Variants in PPP3R1 observed in about 807,000 individuals in gnomAD.
PPP3R1 encodes calcineurin subunit B type 1.
In PPP3R1, 5 loss-of-function variants were observed where a neutral mutation model predicts 22.6. The ratio of observed to expected loss-of-function variants is 0.22; its 90% CI spans 0.12 to 0.46. The LOEUF (loss-of-function observed/expected upper bound fraction) is 0.46. PPP3R1 is among the 20% of genes least tolerant of loss of function. The pLI, the probability that PPP3R1 is intolerant of heterozygous loss-of-function variation, is 0.99. For missense variants in PPP3R1, 61 were observed against 203.2 expected, an observed-to-expected ratio of 0.30 and a Z score of 4.25; for synonymous variants, 56 against 65.2, an observed-to-expected ratio of 0.86 and a Z score of 0.68.
chr2:68,245,667 TTCA>T (rs1367647977), intron 1 of PPP3R1, among the ~76,000 whole-genome samples: 2 of 152,352 alleles, frequency 1.3e-5, no homozygotes, highest in Admixed American at 6.5e-5. Context: ...TCCTTATAAC[TTCA>T]TACTTGTAAT....
chr2:68,181,592 T>G (rs1257819439), intron 5 of PPP3R1, among the ~76,000 whole-genome samples: 1 of 85,448 alleles, frequency 1.2e-5, no homozygotes, highest in Non-Finnish European at 2.0e-5. Context: ...TTTCACATTT[T>G]CCTTTTTTTT....
chr2:68,239,610 C>G (rs1021241115), intron 1 of PPP3R1, among the ~76,000 whole-genome samples: 4 of 151,844 alleles, frequency 2.6e-5, no homozygotes, highest in South Asian at 2.1e-4. Context: ...GAGAAGAGAA[C>G]GATGTGGCCT....
At chr2:68,198,169 A>G (rs1674840683) in intron 2 of PPP3R1, among the ~76,000 whole-genome samples, 1 of 145,472 alleles carries the variant, frequency 6.9e-6, no homozygotes, top group Non-Finnish European at 1.5e-5. Context: ...GTAAATATAT[A>G]CATACATGTA....
chr2:68,183,966 G>T (rs926051534), intron 5 of PPP3R1, among the ~76,000 whole-genome samples: 1 of 152,208 alleles, frequency 6.6e-6, no homozygotes, highest in Non-Finnish European at 1.5e-5. Flanking sequence ...CCTAGACAGT[G>T]TAAGTCCAGC....
intron 2 of PPP3R1, among the ~76,000 whole-genome samples, chr2:68,191,235 AT>A (rs1674660799): frequency 6.6e-6 from 1 of 152,142 alleles, no homozygotes; most frequent in African/African-American, 2.4e-5. Flanking sequence ...ACACAAACCT[AT>A]GTGGGACAGC....
intron 5 of PPP3R1, 72 bp downstream of exon 5, chr2:68,186,396 T>A: frequency 7.2e-7 from 1 of 1,388,926 alleles, no homozygotes; most frequent in Non-Finnish European, 9.7e-7. Context: ...ATATGGAAAT[T>A]CTCTATTAAG....
chr2:68,181,064 C>G, intron 5 of PPP3R1, 54 bp from the exon 6 acceptor site: 2 of 1,523,760 alleles, frequency 1.3e-6, no homozygotes. Context: ...ACTCCTCATT[C>G]GTGGTCTAAC....
chr2:68,211,365 C>T (rs1669478987), intron 2 of PPP3R1, among the ~76,000 whole-genome samples: 1 of 138,650 alleles, frequency 7.2e-6, no homozygotes, highest in Non-Finnish European at 1.5e-5. Context: ...CAAGATTGCG[C>T]CACTGCACTC....
intron 2 of PPP3R1, among the ~76,000 whole-genome samples, chr2:68,189,739 C>T (rs901318921): frequency 2.0e-5 from 3 of 151,850 alleles, no homozygotes; most frequent in Admixed American, 6.6e-5. Context: ...CATGGTGGCA[C>T]GCACCTCTAA....
At chr2:68,199,851 A>G (rs1674935744) in intron 2 of PPP3R1, among the ~76,000 whole-genome samples, 1 of 152,074 alleles carries the variant, frequency 6.6e-6, no homozygotes, top group African/African-American at 2.4e-5. Flanking sequence ...ATACTAAATG[A>G]TTTTTTGCAC....
chr2:68,217,153 A>G, intron 1 of PPP3R1, 22 bp from the exon 2 acceptor site: 2 of 1,556,502 alleles, frequency 1.3e-6, no homozygotes, highest in East Asian at 2.3e-5. Context: ...GAAAGAAATA[A>G]TTAGTCATAA....
chr2:68,181,062 T>G, intron 5 of PPP3R1, 52 bp from the exon 6 acceptor site: 1 of 1,544,384 alleles, frequency 6.5e-7, no homozygotes, highest in Non-Finnish European at 9.0e-7. Context: ...AAACTCCTCA[T>G]TCGTGGTCTA....
chr2:68,224,879 T>C (rs1345360118), intron 1 of PPP3R1, among the ~76,000 whole-genome samples: 1 of 152,072 alleles, frequency 6.6e-6, no homozygotes, highest in African/African-American at 2.4e-5. Flanking sequence ...ACATGAAGAC[T>C]TGAATAGATA....
chr2:68,199,486 T>TGTGACTAGG (rs1357072048), intron 2 of PPP3R1, among the ~76,000 whole-genome samples: 1 of 152,164 alleles, frequency 6.6e-6, no homozygotes. Context: ...GGACTTCAAA[T>TGTGACTAGG]ACAACGTTGA....
intron 1 of PPP3R1, among the ~76,000 whole-genome samples, chr2:68,219,749 A>G (rs1669649710): frequency 6.6e-6 from 1 of 152,244 alleles, no homozygotes; most frequent in South Asian, 2.1e-4. Flanking sequence ...TTTACTTCTA[A>G]GAGAACCACT....
At chr2:68,187,872 CA>C (rs35444760) in intron 3 of PPP3R1, among the ~76,000 whole-genome samples, 111,780 of 150,112 alleles carry the variant, frequency 0.74, 42,385 homozygotes, top group African/African-American at 0.93. Context: ...TTAAAACAAA[CA>C]AAAAAAAAAA....
chr2:68,193,587 A>G (rs2103730597), intron 2 of PPP3R1, among the ~76,000 whole-genome samples: 1 of 152,298 alleles, frequency 6.6e-6, no homozygotes, highest in East Asian at 1.9e-4. Flanking sequence ...AATGGTAAAT[A>G]TAGTTATTTT....
intron 1 of PPP3R1, among the ~76,000 whole-genome samples, chr2:68,227,124 T>C (rs1669798032): frequency 6.6e-6 from 1 of 152,102 alleles, no homozygotes; most frequent in African/African-American, 2.4e-5. Context: ...TTTATTTTTA[T>C]TCTTTCAAAC....
intron 2 of PPP3R1, among the ~76,000 whole-genome samples, chr2:68,191,175 G>A (rs765764652): frequency 3.9e-5 from 6 of 152,152 alleles, no homozygotes; most frequent in Admixed American, 6.5e-5. Context: ...GGGTTACACT[G>A]AGAAACACAT....
Sources: gnomAD v4.1 joint callset for allele counts (sites outside exome capture counted in the v4.1 genomes callset) on GRCh38, gnomAD v4.1.1 for gene constraint, MANE v1.5 for transcripts, NCBI Gene and HGNC (gene_info 2026-07-23, HGNC 2026-07-21) for gene names.